ARHGAP35: variants seen among roughly 807,000 people sequenced by gnomAD.
ARHGAP35 encodes the protein rho GTPase-activating protein 35.
A neutral mutation model predicts 111.1 loss-of-function variants in ARHGAP35; 15 were observed. That is an observed-to-expected ratio of 0.13 (90% CI 0.09 to 0.21). The LOEUF is 0.21. Ranked by LOEUF, ARHGAP35 falls within the 10% of genes least tolerant of loss-of-function variation. The pLI is 1.00. For missense variants in ARHGAP35, 1,262 were observed against 1,873.0 expected, an observed-to-expected ratio of 0.67 and a Z score of 6.02; for synonymous variants, 643 against 710.3, an observed-to-expected ratio of 0.91 and a Z score of 1.51.
chr19:46,889,627 C>T (rs1037970872), intron 1 of ARHGAP35, among the ~76,000 whole-genome samples: 1 of 151,544 alleles, frequency 6.6e-6, no homozygotes, highest in Non-Finnish European at 1.5e-5. Context: ...CCTCACCCCA[C>T]AGTGTGTTAC....
In ARHGAP35 at chr19:46,992,831, G is replaced by A. The variant is rs114058508; in HGVS notation, c.4036+3156G>A. Reference sequence around the variant, plus strand: ...GCTCATTGTCTCGGCCTTTCCATTTGACAGATGAGACTGTTGGGGCTAGAG... The same window carrying A: ...GCTCATTGTCTCGGCCTTTCCATTTAACAGATGAGACTGTTGGGGCTAGAG... On this transcript the variant is annotated intron_variant, in intron 5 of 6. Coordinates refer to ENST00000672722, the MANE Select transcript of ARHGAP35 (RefSeq NM_004491.5). The surrounding 1 kb of genome is among the most constrained non-coding windows in gnomAD (Gnocchi z 4.4). Among the ~76,000 whole-genome samples, 335 of 152,310 alleles carry A rather than the reference G, an allele frequency of 2.2e-3. 1 individual carries two copies. The highest frequency in any genetic ancestry group is 0.014 in the Middle Eastern group (4 of 294).
Position 47,000,485 on chromosome 19 carries a change from C to G in ARHGAP35, c.4297C>G (p.Pro1433Ala), listed in dbSNP as rs200118092. Reference sequence around the variant, plus strand: ...CATTGAACTCTTTATCCAGCAGTGCCCCTTCTTCTTCTACAATCGGCCCAT... The same window carrying G: ...CATTGAACTCTTTATCCAGCAGTGCGCCTTCTTCTTCTACAATCGGCCCAT... ...TIIELFIQQC[P>A]FFFYNRPITE... Residue 1433 changes from proline to alanine, a missense_variant, in exon 7 of 7, where the codon CCC becomes GCC. This residue lies in a region of ARHGAP35 where 23 missense variants were observed against 63.9 expected (regional missense o/e 0.36). Transcript: ENST00000672722. This position sits in a 1 kb window ranked among gnomAD's most constrained non-coding sequence, Gnocchi z 6.9. 9.5e-5 allele frequency: 154 copies of G among 1,613,756 alleles called. No homozygotes were observed. Among genetic ancestry groups the G allele is most frequent in the Middle Eastern group, 3.3e-4 (2 of 6,084 alleles).
Position 46,992,084 on chromosome 19 carries a change from G to A in ARHGAP35, c.4036+2409G>A, listed in dbSNP as rs1195912983. 2.6e-5 allele frequency among the ~76,000 whole-genome samples: 4 copies of A among 152,336 alleles called. No individual in the cohort carries two copies. Among genetic ancestry groups the A allele is most frequent in the Middle Eastern group, 3.4e-3 (1 of 294 alleles). On this transcript the variant is annotated intron_variant, in intron 5 of 6. Transcript: ENST00000672722. This position sits in a 1 kb window ranked among gnomAD's most constrained non-coding sequence, Gnocchi z 4.4. ...TTTCCTCCCACACTCAAGGTGACAC[G>A]TGGGAGATTCAGAAATGAACAGCAG... is the stretch of plus-strand genomic sequence containing the variant.
At chr19:46,951,322 G>A (rs986136588) in intron 3 of ARHGAP35, among the ~76,000 whole-genome samples, 4 of 152,218 alleles carry the variant, frequency 2.6e-5, no homozygotes, top group Non-Finnish European at 5.9e-5. Flanking sequence ...CGGGGATGGG[G>A]AAAGTACAGA....
rs751564210 is a variant in ARHGAP35 at position 46,920,076 on chromosome 19, G to T, written c.1401G>T (p.Trp467Cys). 6.2e-7 allele frequency: 1 copy of T among 1,613,718 alleles called. No homozygotes were observed. The highest frequency in any genetic ancestry group is 1.1e-5 in the South Asian group (1 of 91,032). ...SFIMNEDFYQ[W>C]LEESVYMDIY... ...TTATGAATGAGGATTTCTACCAGTG[G>T]CTGGAGGAATCTGTATACATGGATA... Residue 467 changes from tryptophan to cysteine, a missense_variant, in exon 2 of 7, where the codon TGG (tryptophan) becomes TGT (cysteine). Coordinates refer to ENST00000672722, the MANE Select transcript of ARHGAP35 (RefSeq NM_004491.5). This position sits in a 1 kb window ranked among gnomAD's most constrained non-coding sequence, Gnocchi z 7.0.
At chr19:46,893,041 TAGGTGCTAAATAA>T (rs1425828738) in intron 1 of ARHGAP35, among the ~76,000 whole-genome samples, 2 of 152,200 alleles carry the variant, frequency 1.3e-5, no homozygotes, top group Non-Finnish European at 2.9e-5. Context: ...TTGCACATGG[TAGGTGCTAAATAA>T]AGGGTTGTGG....
chr19:46,874,835 G>A (rs374650438), intron 1 of ARHGAP35, among the ~76,000 whole-genome samples: 161 of 135,990 alleles, frequency 1.2e-3, no homozygotes, highest in African/African-American at 4.3e-3. Context: ...TTTTTGAGAC[G>A]GAGTCTTGCT....
chr19:46,861,356 C>T (rs945721237), intron 1 of ARHGAP35, among the ~76,000 whole-genome samples, 147 bp downstream of exon 1: 4 of 148,214 alleles, frequency 2.7e-5, no homozygotes, highest in Admixed American at 2.0e-4. Flanking sequence ...CCCCCCCCAG[C>T]CCCCCGGGCC....
At chr19:46,932,393 T>G (rs2056277999) in intron 2 of ARHGAP35, among the ~76,000 whole-genome samples, 1 of 152,202 alleles carries the variant, frequency 6.6e-6, no homozygotes, top group Admixed American at 6.5e-5. Flanking sequence ...GGTAAGTGCC[T>G]CCGGAAGAAG....
intron 3 of ARHGAP35, among the ~76,000 whole-genome samples, chr19:46,977,940 A>T (rs1358773342): frequency 6.6e-6 from 1 of 152,180 alleles, no homozygotes; most frequent in Non-Finnish European, 1.5e-5. Flanking sequence ...AAATGTAAGC[A>T]ATTGTTGGGA....
rs560941201 is a variant in ARHGAP35, at chr19:46,911,414, A to G, written c.-188-7074A>G. Reference sequence around the variant, plus strand: ...CAGTACCCATTCCTTTTGTTTCATCACATTTTCTTTGCTATGTGAGTATGC... The same window carrying G: ...CAGTACCCATTCCTTTTGTTTCATCGCATTTTCTTTGCTATGTGAGTATGC... On this transcript the variant is annotated intron_variant, in intron 1 of 6. Coordinates refer to ENST00000672722, the MANE Select transcript of ARHGAP35 (RefSeq NM_004491.5). 4.6e-5 allele frequency among the ~76,000 whole-genome samples: 7 copies of G among 152,256 alleles called. No homozygotes were observed. The South Asian group carries it at 1.0e-3, about 23-fold the overall frequency.
intron 1 of ARHGAP35, among the ~76,000 whole-genome samples, chr19:46,874,838 G>A (rs1325841358): frequency 2.4e-5 from 3 of 124,494 alleles, no homozygotes; most frequent in Non-Finnish European, 4.9e-5. Context: ...TTGAGACGGA[G>A]TCTTGCTCTT....
Position 46,896,979 on chromosome 19 carries a change from C to T in ARHGAP35, c.-188-21509C>T, listed in dbSNP as rs151173810. Among the ~76,000 whole-genome samples, 1,415 of 152,120 alleles carry T rather than the reference C, an allele frequency of 9.3e-3. 13 individuals are homozygous for T. Among genetic ancestry groups the T allele is most frequent in the Non-Finnish European group, 0.016 (1,116 of 67,992 alleles). ...CGCGATCTTAGCTCACTGCAACCTC[C>T]GCCTCCCAGGCTCAAGGGATCCTCC... On this transcript the variant is annotated intron_variant, in intron 1 of 6. Coordinates refer to ENST00000672722, the MANE Select transcript of ARHGAP35 (RefSeq NM_004491.5).
chr19:46,988,326 C>T lies in ARHGAP35; in HGVS notation c.3904+260C>T. On this transcript the variant is annotated intron_variant, in intron 4 of 6. Transcript: ENST00000672722. The surrounding 1 kb of genome is among the most constrained non-coding windows in gnomAD (Gnocchi z 5.4). The stretch of plus-strand genomic sequence containing the variant: ...CACACTGCCACTCACAGATGCTCTT[C>T]CAGGTTGCCCGGGCACATGCCTCCC... The T allele has an allele frequency of 2.2e-6, 1 of 458,780 alleles. No homozygotes were observed. The highest frequency in any genetic ancestry group is 3.5e-5 in the Admixed American group (1 of 28,404). The allele number at this position is 458,780 out of a possible 1,614,324, so 28.4% of individuals were successfully genotyped here.
intron 1 of ARHGAP35, among the ~76,000 whole-genome samples, chr19:46,870,194 C>T (rs899984808): frequency 4.0e-5 from 6 of 151,494 alleles, no homozygotes; most frequent in Admixed American, 6.6e-5. Context: ...TGTGATCCGC[C>T]CACCTCTGCC....
rs536165264 is a variant in ARHGAP35 at position 46,918,141 on chromosome 19, C to T, written c.-188-347C>T. 6.6e-6 allele frequency among the ~76,000 whole-genome samples: 1 copy of T among 152,326 alleles called. No individual in the cohort carries two copies. The highest frequency in any genetic ancestry group is 1.5e-5 in the Non-Finnish European group (1 of 68,032). ...GCTTCTGTGTCCTTGTGAGATGCTC[C>T]ATCGTTTTTTTTCTTGCATAAAAAG... is the stretch of plus-strand genomic sequence containing the variant. On this transcript the variant is annotated intron_variant, in intron 1 of 6. Transcript: ENST00000672722. This position sits in a 1 kb window ranked among gnomAD's most constrained non-coding sequence, Gnocchi z 5.4.
At position 47,003,615 on chromosome 19, in the gene ARHGAP35, T is replaced by TTGGGGAGGAACAGGGAGA. The variant is rs1339936828; in HGVS notation, c.*2928_*2945dup. 1 of 152,374 alleles carries TTGGGGAGGAACAGGGAGA rather than the reference T, an allele frequency of 6.6e-6. No individual in the cohort carries two copies. Among genetic ancestry groups the TTGGGGAGGAACAGGGAGA allele is most frequent in the East Asian group, 1.9e-4 (1 of 5,186 alleles). The allele number at this position is 152,374 out of a possible 1,614,324, so 9.4% of individuals were successfully genotyped here. On this transcript the variant is annotated 3_prime_UTR_variant, in exon 7 of 7. Coordinates refer to ENST00000672722, the MANE Select transcript of ARHGAP35 (RefSeq NM_004491.5). ...CCCCGTCTTTCCCATCGCCTAGCGT[T>TTGGGGAGGAACAGGGAGA]TGGGGAGGAACAGGGAGAGAGCTTC...
chr19:46,906,966 G>A (rs1285771208), intron 1 of ARHGAP35, among the ~76,000 whole-genome samples: 1 of 152,084 alleles, frequency 6.6e-6, no homozygotes, highest in East Asian at 1.9e-4. Context: ...GCACATGCCT[G>A]TAGTCCCAGC....
rs8109747 is a variant in ARHGAP35, at chr19:46,908,967, T to A, written c.-188-9521T>A. Among the ~76,000 whole-genome samples, 2 of 151,820 alleles carry A rather than the reference T, an allele frequency of 1.3e-5. No homozygotes were observed. On this transcript the variant is annotated intron_variant, in intron 1 of 6. Transcript: ENST00000672722. The surrounding 1 kb of genome is among the most constrained non-coding windows in gnomAD (Gnocchi z 4.2). ...AGGGGACATTTGCAAAAATTATAAA[T>A]GGAATGTCAGAGAATCTTTCATAGC... is the stretch of plus-strand genomic sequence containing the variant.
Sources: gnomAD v4.1 joint callset for allele counts (sites outside exome capture counted in the v4.1 genomes callset) on GRCh38, gnomAD v4.1.1 for gene constraint, gnomAD v4.1.1 regional missense constraint, Gnocchi (gnomAD v3.1) non-coding constraint, MANE v1.5 for transcripts, NCBI Gene and HGNC (gene_info 2026-07-23, HGNC 2026-07-21) for gene names.